The following ZSCAN20 variants were observed in gnomAD, a reference collection of about 807,000 sequenced individuals.
The protein encoded by ZSCAN20 is zinc finger and SCAN domain-containing protein 20.
ZSCAN20 carries 39 observed loss-of-function variants against 97.1 expected under a neutral mutation model. The ratio of observed to expected loss-of-function variants is 0.40; its 90% CI spans 0.31 to 0.52. The LOEUF (loss-of-function observed/expected upper bound fraction) is 0.52. ZSCAN20 is among the 20% of genes least tolerant of loss of function. The pLI, the probability that ZSCAN20 is intolerant of heterozygous loss-of-function variation, is 0.49. For synonymous variants in ZSCAN20, 456 were observed against 467.3 expected, an observed-to-expected ratio of 0.98 and a Z score of 0.31; for missense variants, 1,115 against 1,290.4, an observed-to-expected ratio of 0.86 and a Z score of 2.08.
rs182179709 is a variant in ZSCAN20 at position 33,475,490 on chromosome 1, C to A, written c.-111+2799C>A. On this transcript the variant is annotated intron_variant, in intron 1 of 7. Transcript: ENST00000684572. ...GAATTCGCTTGTATTAGGGACTGTG[C>A]GGTATGAAAGACACTTTACTCACAC... is the stretch of plus-strand genomic sequence containing the variant. Among the ~76,000 whole-genome samples the A allele has an allele frequency of 2.4e-3, 367 of 152,246 alleles. 1 individual carries two copies. The highest frequency in any genetic ancestry group is 4.2e-3 in the Non-Finnish European group (289 of 68,028).
chr1:33,495,387 T>C lies in ZSCAN20; in HGVS notation c.3043T>C (p.Tyr1015His). ...HQRIHTGEKP[Y>H]KCTECGKDFN... Reference sequence around the variant, plus strand: ...GAGAATCCACACAGGGGAGAAACCCTACAAGTGCACAGAGTGTGGCAAAGA... The same window carrying C: ...GAGAATCCACACAGGGGAGAAACCCCACAAGTGCACAGAGTGTGGCAAAGA... The change falls in exon 8 of 8, where the codon TAC becomes CAC. Residue 1015 changes from tyrosine (Y) to histidine (H), a missense_variant. Tyr to His is a moderately conservative substitution (Grantham distance 83, BLOSUM62 2). Transcript: ENST00000684572. 6.2e-7 allele frequency: 1 copy of C among 1,610,496 alleles called. No individual in the cohort carries two copies. The highest frequency in any genetic ancestry group is 8.5e-7 in the Non-Finnish European group (1 of 1,178,090).
In ZSCAN20 at chr1:33,497,517, T is replaced by C. The variant is rs900225060; in HGVS notation, c.*2041T>C. On this transcript the variant is annotated 3_prime_UTR_variant, in exon 8 of 8. Coordinates refer to ENST00000684572, the MANE Select transcript of ZSCAN20 (RefSeq NM_001377376.1). ...GAACAGGGAGCTGATATTAGAGGAG[T>C]GCTGGAGCAAGGTCACTGAGGACCT... is the stretch of plus-strand genomic sequence containing the variant. Among the ~76,000 whole-genome samples, 4 of 151,868 alleles carry C rather than the reference T, an allele frequency of 2.6e-5. No homozygotes were observed. The highest frequency in any genetic ancestry group is 7.3e-5 in the African/African-American group (3 of 41,322).
chr1:33,493,079 C>T lies in ZSCAN20; in HGVS notation c.1445-108C>T. The T allele has an allele frequency of 1.7e-6, 2 of 1,170,322 alleles. No homozygotes were observed. The highest frequency in any genetic ancestry group is 2.3e-5 in the Admixed American group (1 of 43,452). The allele number at this position is 1,170,322 out of a possible 1,614,324, so 72.5% of individuals were successfully genotyped here. ...TATTCTCCAGGTACCTGGATAGTTT[C>T]TGACATGCCTATGTTCTAGGTATTT... is the stretch of plus-strand genomic sequence containing the variant. On this transcript the variant is annotated intron_variant, in intron 6 of 7. Transcript: ENST00000684572. The surrounding 1 kb of genome is among the most constrained non-coding windows in gnomAD (Gnocchi z 4.3).
intron 6 of ZSCAN20, chr1:33,492,692 C>T (rs1223421882): frequency 6.8e-6 from 1 of 146,758 alleles, no homozygotes; most frequent in South Asian, 2.2e-4. Context: ...AGGAGAATTG[C>T]TTGAACCCAG....
At chr1:33,489,051 C>A in intron 3 of ZSCAN20, 64 bp from the exon 4 acceptor site, 1 of 1,433,820 alleles carries the variant, frequency 7.0e-7, no homozygotes, top group South Asian at 1.3e-5. Flanking sequence ...GAAAGCCAAT[C>A]TCAAAGGGAG....
chr1:33,488,352 A>C, intron 2 of ZSCAN20, 113 bp from the exon 3 acceptor site: 1 of 1,062,826 alleles, frequency 9.4e-7, no homozygotes, highest in Non-Finnish European at 1.4e-6. Flanking sequence ...TCCTATTTCA[A>C]GCCATTTTGG....
At chr1:33,488,968 C>T (rs1453396786) in intron 3 of ZSCAN20, 147 bp from the exon 4 acceptor site, 8 of 699,214 alleles carry the variant, frequency 1.1e-5, no homozygotes, top group African/African-American at 9.0e-5. Flanking sequence ...GCTACACACT[C>T]TAGAAGGGAA....
chr1:33,485,125 A>G (rs1040556820), intron 2 of ZSCAN20, among the ~76,000 whole-genome samples: 1 of 152,338 alleles, frequency 6.6e-6, no homozygotes, highest in Middle Eastern at 3.4e-3. Flanking sequence ...CAGTGGACCC[A>G]TCTGAGCTTG....
At position 33,488,629 on chromosome 1, in the gene ZSCAN20, A is replaced by G. The variant is rs888650968; in HGVS notation, c.582A>G (p.Ala194=). The change falls in exon 3 of 8, where the codon GCA becomes GCG. Residue 194 remains alanine (A), a synonymous_variant. Coordinates refer to ENST00000684572, the MANE Select transcript of ZSCAN20 (RefSeq NM_001377376.1). The stretch of plus-strand genomic sequence containing the variant: ...CCAATCACCTAAATGCCGAGGTGGC[A>G]CCACAGCCTTTGAAAGAGAGTGGTG... ...DLPNHLNAEV[A]PQPLKESAVL... The G allele has an allele frequency of 6.2e-7, 1 of 1,612,560 alleles. No homozygotes were observed. Among genetic ancestry groups the G allele is most frequent in the East Asian group, 2.2e-5 (1 of 44,850 alleles).
rs555938869 is a variant in ZSCAN20 at position 33,501,076 on chromosome 1, G to C, written c.*5600G>C. ...AGACACTTTGAAACCCTCCACTGCA[G>C]ACTTCACCCAGGGGGCAAGGCAGGA... On this transcript the variant is annotated 3_prime_UTR_variant, in exon 8 of 8. Coordinates refer to ENST00000684572, the MANE Select transcript of ZSCAN20 (RefSeq NM_001377376.1). Among the ~76,000 whole-genome samples the C allele has an allele frequency of 6.6e-6, 1 of 152,288 alleles. No individual in the cohort carries two copies. Among genetic ancestry groups the C allele is most frequent in the South Asian group, 2.1e-4 (1 of 4,820 alleles).
chr1:33,493,079 C>A lies in ZSCAN20; in HGVS notation c.1445-108C>A. ...TATTCTCCAGGTACCTGGATAGTTT[C>A]TGACATGCCTATGTTCTAGGTATTT... On this transcript the variant is annotated intron_variant, in intron 6 of 7. Transcript: ENST00000684572. The surrounding 1 kb of genome is among the most constrained non-coding windows in gnomAD (Gnocchi z 4.3). 8.5e-7 allele frequency: 1 copy of A among 1,170,324 alleles called. No homozygotes were observed. Among genetic ancestry groups the A allele is most frequent in the Non-Finnish European group, 1.2e-6 (1 of 828,660 alleles). The allele number at this position is 1,170,324 out of a possible 1,614,324, so 72.5% of individuals were successfully genotyped here. A position where few individuals can be genotyped will look rare whatever the true frequency, so the allele number is the denominator to read the frequency against.
At chr1:33,485,586 T>A (rs533000389) in intron 2 of ZSCAN20, among the ~76,000 whole-genome samples, 6 of 149,816 alleles carry the variant, frequency 4.0e-5, no homozygotes, top group African/African-American at 9.8e-5. Flanking sequence ...TTTTGTATAT[T>A]TTTTTTTTGT....
At chr1:33,486,778 C>G (rs944352456) in intron 2 of ZSCAN20, among the ~76,000 whole-genome samples, 1 of 152,088 alleles carries the variant, frequency 6.6e-6, no homozygotes, top group Non-Finnish European at 1.5e-5. Flanking sequence ...TTTAACATGA[C>G]CATATAAGAA....
chr1:33,494,528 T>C lies in ZSCAN20; in HGVS notation c.2184T>C (p.His728=), dbSNP rs2148479483. The C allele has an allele frequency of 6.2e-7, 1 of 1,614,150 alleles. No individual in the cohort carries two copies. The highest frequency in any genetic ancestry group is 8.5e-7 in the Non-Finnish European group (1 of 1,180,030). The change falls in exon 8 of 8, where the codon CAT becomes CAC. Residue 728 remains histidine (H), a synonymous_variant. Coordinates refer to ENST00000684572, the MANE Select transcript of ZSCAN20 (RefSeq NM_001377376.1). ...GTCGGAGCTCCCACTTCATTGCCCA[T>C]CAGCGAATCCACACAGGTGAGAAGC... is the stretch of plus-strand genomic sequence containing the variant. ...SFSRSSHFIA[H]QRIHTGEKPY... is the part of the protein sequence containing the mutation.
At chr1:33,489,469 T>C in intron 4 of ZSCAN20, 49 bp from the exon 5 acceptor site, 14 of 1,584,122 alleles carry the variant, frequency 8.8e-6, no homozygotes, top group Non-Finnish European at 1.2e-5. Context: ...TCCTAGGCTG[T>C]TGTCAAAGGT....
At position 33,479,537 on chromosome 1, in the gene ZSCAN20, G is replaced by T; in HGVS notation, c.249G>T (p.Glu83Asp). The T allele has an allele frequency of 6.2e-7, 1 of 1,613,542 alleles. No individual in the cohort carries two copies. Among genetic ancestry groups the T allele is most frequent in the Non-Finnish European group, 8.5e-7 (1 of 1,179,596 alleles). ...TCTGCTGTCGTTGGCTGAGGCCGGAGATCCGTCTCAAAGAGCAGATCCTGG... is the reference window on the plus strand; with the variant it reads ...TCTGCTGTCGTTGGCTGAGGCCGGATATCCGTCTCAAAGAGCAGATCCTGG... ...WALCCRWLRP[E>D]IRLKEQILEL... The change falls in exon 2 of 8, where the codon GAG (glutamate) becomes GAT (aspartate). Residue 83 changes from glutamate (E) to aspartate (D), a missense_variant. By Grantham distance (45) the Glu-to-Asp change is conservative. Coordinates refer to ENST00000684572, the MANE Select transcript of ZSCAN20 (RefSeq NM_001377376.1).
intron 1 of ZSCAN20, among the ~76,000 whole-genome samples, chr1:33,476,510 A>G (rs1458009275): frequency 6.6e-6 from 1 of 152,238 alleles, no homozygotes; most frequent in Admixed American, 6.5e-5. Context: ...TTGTGCAGGA[A>G]CGCAAATGTC....
Position 33,496,015 on chromosome 1 carries a change from G to C in ZSCAN20, c.*539G>C, listed in dbSNP as rs1652849135. 6.6e-6 allele frequency: 1 copy of C among 152,416 alleles called. No individual in the cohort carries two copies. The highest frequency in any genetic ancestry group is 1.9e-4 in the East Asian group (1 of 5,192). 9.4% of individuals were successfully genotyped at this position (152,416 alleles called of 1,614,324 possible). A position where few individuals can be genotyped will look rare whatever the true frequency, so the allele number is the denominator to read the frequency against. On this transcript the variant is annotated 3_prime_UTR_variant, in exon 8 of 8. Transcript: ENST00000684572. ...AAAATCATCAATAGCAGCAATAGCT[G>C]GTGTTTATTGAGCTGTTGCTCTTTG...
At chr1:33,484,572 T>A (rs2148457556) in intron 2 of ZSCAN20, among the ~76,000 whole-genome samples, 1 of 152,114 alleles carries the variant, frequency 6.6e-6, no homozygotes, top group Non-Finnish European at 1.5e-5. Flanking sequence ...TTCTTTTTTA[T>A]ACATTGTTGG....
Sources: allele counts gnomAD v4.1 joint callset (sites outside exome capture counted in the v4.1 genomes callset), GRCh38; gene constraint gnomAD v4.1.1; non-coding constraint Gnocchi (gnomAD v3.1); transcripts MANE v1.5; gene names NCBI Gene and HGNC (gene_info 2026-07-23, HGNC 2026-07-21).